The following ERC1 variants were observed in gnomAD, a reference collection of about 807,000 sequenced individuals.
ERC1 encodes the protein RAB6 interacting protein 2.
A neutral mutation model predicts 132.0 loss-of-function variants in ERC1; 56 were observed. The ratio of observed to expected loss-of-function variants is 0.42; its 90% CI spans 0.34 to 0.53. ERC1 has a LOEUF of 0.53. ERC1 is among the 20% of genes least tolerant of loss of function. The pLI is 0.03. For missense variants in ERC1, 1,202 were observed against 1,349.9 expected, an observed-to-expected ratio of 0.89 and a Z score of 1.72; for synonymous variants, 478 against 476.1, an observed-to-expected ratio of 1.00 and a Z score of -0.05.
At chr12:1,409,466 T>C (rs2091715017) in intron 17 of ERC1, among the ~76,000 whole-genome samples, 1 of 152,032 alleles carries the variant, frequency 6.6e-6, no homozygotes, top group Non-Finnish European at 1.5e-5. Flanking sequence ...AAGCAAAACA[T>C]AAAGAAAAAC....
chr12:1,436,173 C>CAT (rs879336187), intron 17 of ERC1, among the ~76,000 whole-genome samples: 72 of 152,116 alleles, frequency 4.7e-4, no homozygotes, highest in Admixed American at 1.0e-3. Context: ...CACACACACA[C>CAT]ACACACACGT....
rs1270139781 is a variant in ERC1 at position 1,083,355 on chromosome 12, A to C, written c.861A>C (p.Thr287=). 1 of 1,614,054 alleles carries C rather than the reference A, an allele frequency of 6.2e-7. No homozygotes were observed. Among genetic ancestry groups the C allele is most frequent in the East Asian group, 2.2e-5 (1 of 44,878 alleles). The change falls in exon 3 of 19, where the codon ACA becomes ACC. Residue 287 remains threonine, a synonymous_variant. Coordinates refer to ENST00000360905, the MANE Select transcript of ERC1 (RefSeq NM_178040.4). ...AAGAGCTGTTTCTTCTTCGAAAGAC[A>C]TTGGAGGAAATGGAGCTGCGTATTG... ...QAKELFLLRK[T]LEEMELRIET...
At chr12:1,347,881 G>C (rs2084631816) in intron 15 of ERC1, among the ~76,000 whole-genome samples, 1 of 152,180 alleles carries the variant, frequency 6.6e-6, no homozygotes, top group Admixed American at 6.5e-5. Flanking sequence ...TACTCAGGAG[G>C]CTGAAGCATG....
At chr12:1,438,800 G>A (rs142218832) in intron 17 of ERC1, among the ~76,000 whole-genome samples, 6 of 152,062 alleles carry the variant, frequency 3.9e-5, no homozygotes, top group African/African-American at 7.2e-5. Context: ...AAAATTAGCC[G>A]GGTATGGTGG....
At chr12:1,298,554 AAAC>A (rs1373129410) in intron 15 of ERC1, among the ~76,000 whole-genome samples, 4 of 146,170 alleles carry the variant, frequency 2.7e-5, no homozygotes, top group Non-Finnish European at 6.1e-5. Context: ...AAAAAAAAAA[AAAC>A]AAACAAACAA....
chr12:1,334,771 T>C (rs775209236), intron 15 of ERC1, among the ~76,000 whole-genome samples: 3 of 152,210 alleles, frequency 2.0e-5, no homozygotes, highest in Non-Finnish European at 4.4e-5. Context: ...GTGAAGAATG[T>C]CATTGGTAGT....
At chr12:1,114,514 A>G (rs922937112) in intron 6 of ERC1, among the ~76,000 whole-genome samples, 1 of 152,144 alleles carries the variant, frequency 6.6e-6, no homozygotes, top group Non-Finnish European at 1.5e-5. Context: ...GAAAATGGTA[A>G]CACTTTGAAC....
intron 3 of ERC1, among the ~76,000 whole-genome samples, chr12:1,091,558 A>G (rs1310493686): frequency 2.0e-5 from 3 of 152,162 alleles, no homozygotes; most frequent in African/African-American, 7.2e-5. Context: ...CTTATCACGT[A>G]TTTACTGGAC....
At chr12:1,129,681 T>A (rs1050991866) in intron 7 of ERC1, among the ~76,000 whole-genome samples, 1 of 152,204 alleles carries the variant, frequency 6.6e-6, no homozygotes, top group African/African-American at 2.4e-5. Flanking sequence ...CAACTCAGAA[T>A]TCTGTACCAA....
intron 8 of ERC1, among the ~76,000 whole-genome samples, chr12:1,158,258 A>T (rs1475622275): frequency 6.6e-6 from 1 of 151,998 alleles, no homozygotes; most frequent in Non-Finnish European, 1.5e-5. Flanking sequence ...CTTTTGTTAT[A>T]TTTTGCTGAG....
intron 17 of ERC1, among the ~76,000 whole-genome samples, chr12:1,420,625 T>C (rs1245963893): frequency 6.6e-6 from 1 of 151,796 alleles, no homozygotes; most frequent in Non-Finnish European, 1.5e-5. Context: ...CTGGCTGATG[T>C]TTTGTATTTT....
rs746784432 is a variant in ERC1, at chr12:1,289,839, A to G, written c.2620-13A>G. ...AAGACACTCTGTTGTTCTCTTTCCC[A>G]TATTTATGATAGGTGGAGGAGTTAC... On this transcript the variant is annotated splice_polypyrimidine_tract_variant and intron_variant, in intron 14 of 18. Transcript: ENST00000360905. 2 of 1,611,054 alleles carry G rather than the reference A, an allele frequency of 1.2e-6. No individual in the cohort carries two copies. The highest frequency in any genetic ancestry group is 1.1e-5 in the South Asian group (1 of 90,956).
Position 1,381,662 on chromosome 12 carries a change from G to A in ERC1, c.2925+9685G>A, listed in dbSNP as rs149615931. 4.5e-4 allele frequency among the ~76,000 whole-genome samples: 69 copies of A among 152,070 alleles called. 1 individual carries two copies. The highest frequency in any genetic ancestry group is 3.5e-3 in the East Asian group (18 of 5,190). ...ATCAACTAGATTGTTCCTACTGATG[G>A]TATCCAGATTGTTTTGAAAGAAACT... On this transcript the variant is annotated intron_variant, in intron 16 of 18. Transcript: ENST00000360905.
intron 11 of ERC1, among the ~76,000 whole-genome samples, chr12:1,189,160 G>T (rs1257239566): frequency 1.3e-5 from 2 of 152,116 alleles, no homozygotes; most frequent in Non-Finnish European, 2.9e-5. Flanking sequence ...CAGTCCCCCT[G>T]CTTGGGCCTC....
chr12:1,347,765 C>A (rs2084619447), intron 15 of ERC1, among the ~76,000 whole-genome samples: 1 of 152,082 alleles, frequency 6.6e-6, no homozygotes, highest in South Asian at 2.1e-4. Flanking sequence ...GGCAGATCAC[C>A]TGAGGTCAGG....
At chr12:1,264,340 C>A (rs181142836) in intron 14 of ERC1, among the ~76,000 whole-genome samples, 61 of 152,260 alleles carry the variant, frequency 4.0e-4, no homozygotes, top group Non-Finnish European at 2.9e-5. Context: ...GTTATAATCC[C>A]AGCTCCCATT....
chr12:1,026,407 A>G (rs573911114), intron 1 of ERC1, among the ~76,000 whole-genome samples: 1 of 152,342 alleles, frequency 6.6e-6, no homozygotes, highest in Admixed American at 6.5e-5. Flanking sequence ...CTGTTTGGAA[A>G]CGTTACTTTT....
intron 3 of ERC1, among the ~76,000 whole-genome samples, chr12:1,102,876 A>G (rs1333954200): frequency 2.0e-5 from 3 of 152,070 alleles, no homozygotes; most frequent in Non-Finnish European, 1.5e-5. Context: ...AAAACGTTGA[A>G]CATTCATTTT....
At chr12:1,121,723 A>ATCTGTG (rs1566012695) in intron 7 of ERC1, among the ~76,000 whole-genome samples, 3 of 5,864 alleles carry the variant, frequency 5.1e-4, no homozygotes, top group African/African-American at 9.2e-4. Flanking sequence ...CTCTATCTCT[A>ATCTGTG]TCTCTATCTC....
Sources: gnomAD v4.1 joint callset for allele counts (sites outside exome capture counted in the v4.1 genomes callset) on GRCh38, gnomAD v4.1.1 for gene constraint, MANE v1.5 for transcripts, NCBI Gene and HGNC (gene_info 2026-07-23, HGNC 2026-07-21) for gene names.